The following SLC30A4 variants were observed in gnomAD, a reference collection of about 807,000 sequenced individuals.
The protein encoded by SLC30A4 is solute carrier family 30 member 4.
A neutral mutation model predicts 41.7 loss-of-function variants in SLC30A4; 20 were observed. The observed-to-expected ratio is 0.48, with a 90% CI of 0.34 to 0.70. The LOEUF (loss-of-function observed/expected upper bound fraction) is 0.70. Among genes scored for constraint, SLC30A4 ranks in the 30% least tolerant of loss-of-function variants. The pLI is 0.01. For synonymous variants in SLC30A4, 181 were observed against 195.9 expected (o/e 0.92, Z 0.64); for missense variants, 441 against 529.3 (o/e 0.83, Z 1.64).
intron 2 of SLC30A4, among the ~76,000 whole-genome samples, chr15:45,517,815 G>A (rs554038493): frequency 8.6e-5 from 13 of 152,026 alleles, no homozygotes; most frequent in African/African-American, 3.1e-4. Context: ...AGGCGCGGTG[G>A]GGGGCGCCTG....
intron 2 of SLC30A4, chr15:45,519,637 A>G (rs888314961): frequency 6.6e-6 from 1 of 152,224 alleles, no homozygotes; most frequent in Non-Finnish European, 1.5e-5. Flanking sequence ...ATATTTCCAC[A>G]TTTGACAATA....
intron 2 of SLC30A4, among the ~76,000 whole-genome samples, chr15:45,512,990 A>T (rs1242770514): frequency 1.3e-5 from 2 of 150,362 alleles, no homozygotes; most frequent in Non-Finnish European, 2.9e-5. Context: ...AGAGTGAGAC[A>T]TTGACTAAAA....
chr15:45,522,432 C>A lies in SLC30A4; in HGVS notation c.-78G>T. 7.0e-7 allele frequency: 1 copy of A among 1,420,352 alleles called. No homozygotes were observed. Among genetic ancestry groups the A allele is most frequent in the Non-Finnish European group, 9.4e-7 (1 of 1,065,390 alleles). 88.0% of individuals were successfully genotyped at this position (1,420,352 alleles called of 1,614,324 possible). A position where few individuals can be genotyped will look rare whatever the true frequency, so the allele number is the denominator to read the frequency against. Reference sequence around the variant, plus strand: ...GGCGGCGCCTACTTCACCGGAGCGCCAGTTCTCGAGGGCAGTGCCGCGCGT... The same window carrying A: ...GGCGGCGCCTACTTCACCGGAGCGCAAGTTCTCGAGGGCAGTGCCGCGCGT... On this transcript the variant is annotated 5_prime_UTR_variant, in exon 2 of 8. Coordinates refer to ENST00000261867, the MANE Select transcript of SLC30A4 (RefSeq NM_013309.6).
At chr15:45,521,126 G>A (rs1027426270) in intron 2 of SLC30A4, 1 of 390,648 alleles carries the variant, frequency 2.6e-6, no homozygotes, top group Non-Finnish European at 5.2e-6. Flanking sequence ...TTTAAGAGAT[G>A]ACATGTAAGA....
chr15:45,487,911 AGTGTGT>A (rs145350286), intron 5 of SLC30A4, among the ~76,000 whole-genome samples: 165 of 137,686 alleles, frequency 1.2e-3, no homozygotes, highest in Non-Finnish European at 1.7e-3. Context: ...GAAAGAAGTA[AGTGTGT>A]GTGTGTGTGT....
chr15:45,522,144 C>T lies in SLC30A4; in HGVS notation c.211G>A (p.Ala71Thr), dbSNP rs1212233091. Residue 71 changes from alanine to threonine, a missense_variant, in exon 2 of 8, where the codon GCC becomes ACC. Ala to Thr is a moderately conservative substitution (Grantham distance 58). Transcript: ENST00000261867. ...TGGTCCAGTAAGGAATCATCGTCGG[C>T]CTGGAGGGTCGGGTGCGCCCCGTTA... ...PVNGAHPTLQ[A>T]DDDSLLDQDL... The T allele has an allele frequency of 5.0e-6, 8 of 1,614,206 alleles. No homozygotes were observed. In the Middle Eastern group the frequency reaches 4.9e-4, roughly 100 times the overall value.
chr15:45,517,099 A>G (rs1201927498), intron 2 of SLC30A4, among the ~76,000 whole-genome samples: 1 of 152,098 alleles, frequency 6.6e-6, no homozygotes, highest in Non-Finnish European at 1.5e-5. Flanking sequence ...TCATCTAATT[A>G]GACCTCTCAA....
Position 45,485,097 on chromosome 15 carries a change from G to C in SLC30A4, c.*66C>G. 7.8e-7 allele frequency: 1 copy of C among 1,287,694 alleles called. No individual in the cohort carries two copies. Among genetic ancestry groups the C allele is most frequent in the Non-Finnish European group, 1.1e-6 (1 of 908,956 alleles). 79.8% of individuals were successfully genotyped at this position (1,287,694 alleles called of 1,614,324 possible). A position where few individuals can be genotyped will look rare whatever the true frequency, so the allele number is the denominator to read the frequency against. On this transcript the variant is annotated 3_prime_UTR_variant, in exon 8 of 8. Coordinates refer to ENST00000261867, the MANE Select transcript of SLC30A4 (RefSeq NM_013309.6). ...GGATTCCATTTTCTCATTTAGGTTT[G>C]CATTTATTGCTCTCAAGTCTGTGAC...
chr15:45,501,181 G>A (rs995289778), intron 3 of SLC30A4, among the ~76,000 whole-genome samples: 12 of 151,816 alleles, frequency 7.9e-5, no homozygotes, highest in African/African-American at 1.9e-4. Context: ...GGTGGCAGGC[G>A]CCTGTAGTCC....
At chr15:45,491,001 T>C (rs1014683898) in intron 3 of SLC30A4, 120 bp from the exon 4 acceptor site, 8 of 614,476 alleles carry the variant, frequency 1.3e-5, no homozygotes, top group Non-Finnish European at 2.1e-5. Flanking sequence ...AGCCCTCTAT[T>C]GTTTCTGTCA....
At position 45,488,994 on chromosome 15, in the gene SLC30A4, G is replaced by A. The variant is rs75456688; in HGVS notation, c.741C>T (p.His247=). Residue 247 remains histidine (H), a synonymous_variant, in exon 5 of 8, where the codon CAC becomes CAT. Transcript: ENST00000261867. The stretch of plus-strand genomic sequence containing the variant: ...TGGTAGGGGAATTTGAAGGCAGGGA[G>A]TGGGAATGGGAGTGACGGTGACCAG... ...NQSGHRHSHS[H]SLPSNSPTRG... 6.5e-3 allele frequency: 10,484 copies of A among 1,614,064 alleles called. 473 individuals are homozygous for A. In the East Asian group the frequency reaches 0.11, roughly 17 times the overall value.
chr15:45,496,759 G>A (rs1891913671), intron 3 of SLC30A4, among the ~76,000 whole-genome samples: 2 of 151,882 alleles, frequency 1.3e-5, no homozygotes, highest in African/African-American at 4.8e-5. Context: ...ACTTTGGGAA[G>A]CTGAGGAGGA....
intron 7 of SLC30A4, among the ~76,000 whole-genome samples, chr15:45,485,765 T>G (rs1346009129): frequency 2.0e-5 from 3 of 151,878 alleles, no homozygotes; most frequent in Non-Finnish European, 4.4e-5. Context: ...TTGCCCAGGC[T>G]GGAGTACAAT....
chr15:45,520,726 T>C (rs1031939739), intron 2 of SLC30A4, among the ~76,000 whole-genome samples: 1 of 152,224 alleles, frequency 6.6e-6, no homozygotes, highest in East Asian at 1.9e-4. Context: ...GGGACCACAA[T>C]TGAAGAAACT....
At chr15:45,492,577 A>T (rs1891830660) in intron 3 of SLC30A4, among the ~76,000 whole-genome samples, 1 of 152,182 alleles carries the variant, frequency 6.6e-6, no homozygotes. Flanking sequence ...AAATTATTGG[A>T]AACAACCAAA....
chr15:45,502,937 T>C (rs1687673479), intron 3 of SLC30A4: 1 of 151,382 alleles, frequency 6.6e-6, no homozygotes, highest in Admixed American at 6.6e-5. Context: ...GACGGTGCAG[T>C]GAGCTATGAT....
At chr15:45,485,457 A>G (rs1891680196) in intron 7 of SLC30A4, 140 bp from the exon 8 acceptor site, 2 of 590,596 alleles carry the variant, frequency 3.4e-6, no homozygotes, top group Middle Eastern at 4.4e-4. Flanking sequence ...ATTCTGTTAG[A>G]TAAGTAGGTC....
At chr15:45,494,372 G>A (rs1891867826) in intron 3 of SLC30A4, among the ~76,000 whole-genome samples, 1 of 152,160 alleles carries the variant, frequency 6.6e-6, no homozygotes, top group Non-Finnish European at 1.5e-5. Context: ...ACTGCTGATG[G>A]TGAAGTACAC....
intron 3 of SLC30A4, 62 bp from the exon 4 acceptor site, chr15:45,490,943 C>A: frequency 9.1e-7 from 1 of 1,096,372 alleles, no homozygotes. Flanking sequence ...TTCATACCAA[C>A]TAAATATTAT....
Sources: allele counts gnomAD v4.1 joint callset (sites outside exome capture counted in the v4.1 genomes callset), GRCh38; gene constraint gnomAD v4.1.1; transcripts MANE v1.5; gene names NCBI Gene and HGNC (gene_info 2026-07-23, HGNC 2026-07-21).